Variants in ZBTB20 observed in about 807,000 individuals in gnomAD.
The protein encoded by ZBTB20 is zinc finger and BTB domain containing 20, also known as zinc finger and BTB domain-containing protein 20.
ZBTB20 carries 9 observed loss-of-function variants against 56.9 expected under a neutral mutation model. The observed-to-expected ratio is 0.16, with a 90% CI of 0.10 to 0.28. The LOEUF is 0.28. Among genes scored for constraint, ZBTB20 ranks in the 10% least tolerant of loss-of-function variants. The pLI is 1.00. For missense variants in ZBTB20, 655 were observed against 1,003.0 expected (o/e 0.65, Z 4.69); for synonymous variants, 417 against 420.7 (o/e 0.99, Z 0.11).
intron 6 of ZBTB20, among the ~76,000 whole-genome samples, chr3:114,567,754 A>T (rs997062637): frequency 6.6e-6 from 1 of 152,130 alleles, no homozygotes; most frequent in Non-Finnish European, 1.5e-5. Context: ...AACGGAACTG[A>T]CAAAGGAAAC....
At chr3:115,101,500 AAT>A (rs1285530405) in intron 1 of ZBTB20, among the ~76,000 whole-genome samples, 1 of 152,140 alleles carries the variant, frequency 6.6e-6, no homozygotes, top group Non-Finnish European at 1.5e-5. Flanking sequence ...AGAAAACAGA[AAT>A]AGTTTTAAGC....
intron 5 of ZBTB20, among the ~76,000 whole-genome samples, chr3:114,695,614 A>G (rs1454890004): frequency 2.0e-5 from 3 of 151,940 alleles, no homozygotes; most frequent in Non-Finnish European, 4.4e-5. Flanking sequence ...TTTGTGTTCT[A>G]AGTTTTTTTT....
chr3:114,967,976 G>C (rs571883008), intron 3 of ZBTB20, among the ~76,000 whole-genome samples: 1 of 151,114 alleles, frequency 6.6e-6, no homozygotes, highest in South Asian at 2.1e-4. Context: ...AAAAAGAGTT[G>C]ATCTCATCCT....
At chr3:114,483,924 C>A (rs1440649930) in intron 7 of ZBTB20, among the ~76,000 whole-genome samples, 1 of 151,626 alleles carries the variant, frequency 6.6e-6, no homozygotes, top group Non-Finnish European at 1.5e-5. Flanking sequence ...GTTCAAAGGA[C>A]CTTCTTAGTA....
chr3:114,427,734 T>C (rs1448359893), intron 7 of ZBTB20, among the ~76,000 whole-genome samples: 2 of 152,246 alleles, frequency 1.3e-5, no homozygotes, highest in Non-Finnish European at 2.9e-5. Context: ...CATCTAATAC[T>C]TGGGTGTTAA....
chr3:115,028,569 T>G (rs1160178421), intron 2 of ZBTB20, among the ~76,000 whole-genome samples: 1 of 150,546 alleles, frequency 6.6e-6, no homozygotes, highest in African/African-American at 2.4e-5. Context: ...GTATTCCTAT[T>G]AGTATTAATA....
intron 3 of ZBTB20, among the ~76,000 whole-genome samples, chr3:114,940,533 T>C (rs2076691409): frequency 6.8e-6 from 1 of 146,136 alleles, no homozygotes; most frequent in South Asian, 2.1e-4. Flanking sequence ...TCCAGGTCTA[T>C]TTGAAGGACA....
chr3:114,787,362 T>TACACACAC (rs1165510633), intron 5 of ZBTB20, among the ~76,000 whole-genome samples: 240 of 71,270 alleles, frequency 3.4e-3, no homozygotes, highest in South Asian at 7.9e-3. Flanking sequence ...TATATATATA[T>TACACACAC]ATATATACAC....
intron 5 of ZBTB20, among the ~76,000 whole-genome samples, chr3:114,708,743 A>G (rs1358677479): frequency 6.6e-6 from 1 of 152,178 alleles, no homozygotes; most frequent in African/African-American, 2.4e-5. Flanking sequence ...AATATTGCTA[A>G]GTTAAATATT....
chr3:115,083,402 A>C (rs890670849), intron 1 of ZBTB20, among the ~76,000 whole-genome samples: 5 of 152,034 alleles, frequency 3.3e-5, no homozygotes, highest in African/African-American at 1.2e-4. Flanking sequence ...CCATCAAACT[A>C]TACTGTTTCA....
At chr3:114,544,417 CT>C (rs1321139745) in intron 6 of ZBTB20, among the ~76,000 whole-genome samples, 2 of 23,778 alleles carry the variant, frequency 8.4e-5, no homozygotes, top group Non-Finnish European at 1.5e-4. Flanking sequence ...TTCTTTCTTT[CT>C]TTCTTTCTTT....
At chr3:114,622,376 C>A (rs1026327920) in intron 6 of ZBTB20, among the ~76,000 whole-genome samples, 2 of 151,994 alleles carry the variant, frequency 1.3e-5, no homozygotes, top group African/African-American at 4.8e-5. Context: ...ATAGTATAGT[C>A]CTAACACGAG....
At chr3:114,449,224 A>G (rs2091454473) in intron 7 of ZBTB20, among the ~76,000 whole-genome samples, 1 of 152,198 alleles carries the variant, frequency 6.6e-6, no homozygotes, top group Admixed American at 6.5e-5. Flanking sequence ...TTCTCAAAAA[A>G]CGGCTAATTG....
At position 114,329,732 on chromosome 3, in the gene ZBTB20, A is replaced by C. The variant is rs868692064; in HGVS notation, c.*9273T>G. 1 of 148,598 alleles carries C rather than the reference A, an allele frequency of 6.7e-6. No homozygotes were observed. Among genetic ancestry groups the C allele is most frequent in the African/African-American group, 2.5e-5 (1 of 39,962 alleles). 9.2% of individuals were successfully genotyped at this position (148,598 alleles called of 1,614,324 possible). Reference sequence around the variant, plus strand: ...TGGAAAAAAAAAAAAAAAAAAAAAAAAAAAACAACTCCCAGGAAAATGAAC... The same window carrying C: ...TGGAAAAAAAAAAAAAAAAAAAAAACAAAAACAACTCCCAGGAAAATGAAC... On this transcript the variant is annotated 3_prime_UTR_variant, in exon 12 of 12. Coordinates refer to ENST00000675478, the MANE Select transcript of ZBTB20 (RefSeq NM_001348800.3).
chr3:115,037,039 C>A (rs953252773), intron 2 of ZBTB20, among the ~76,000 whole-genome samples: 2 of 152,078 alleles, frequency 1.3e-5, no homozygotes, highest in Non-Finnish European at 2.9e-5. Flanking sequence ...TTCAAATGGA[C>A]AACAGAGAAA....
chr3:115,041,842 T>C (rs2081156192), intron 2 of ZBTB20, among the ~76,000 whole-genome samples: 2 of 152,160 alleles, frequency 1.3e-5, no homozygotes, highest in South Asian at 2.1e-4. Context: ...TACTCAACAG[T>C]AGAATTGTTT....
At chr3:114,630,595 T>C (rs1331643731) in intron 6 of ZBTB20, among the ~76,000 whole-genome samples, 1 of 152,148 alleles carries the variant, frequency 6.6e-6, no homozygotes, top group African/African-American at 2.4e-5. Flanking sequence ...CTACATGCTG[T>C]AAAGGTTGCT....
chr3:115,012,552 T>A (rs1056269778), intron 2 of ZBTB20, among the ~76,000 whole-genome samples: 1 of 151,456 alleles, frequency 6.6e-6, no homozygotes, highest in African/African-American at 2.4e-5. Flanking sequence ...AACACTAGAG[T>A]ATCCAGATTT....
At chr3:114,477,866 TCTTC>T (rs1490161322) in intron 7 of ZBTB20, among the ~76,000 whole-genome samples, 3 of 150,696 alleles carry the variant, frequency 2.0e-5, no homozygotes, top group African/African-American at 4.9e-5. Flanking sequence ...CTCTCTCTCT[TCTTC>T]CTTCCTTCCT....
Sources: gnomAD v4.1 joint callset for allele counts (sites outside exome capture counted in the v4.1 genomes callset) on GRCh38, gnomAD v4.1.1 for gene constraint, MANE v1.5 for transcripts, NCBI Gene and HGNC (gene_info 2026-07-23, HGNC 2026-07-21) for gene names.